Variants in MOB1B observed in about 807,000 individuals in gnomAD.
MOB1B encodes the protein MOB kinase activator 1B.
MOB1B carries 19 observed loss-of-function variants against 24.4 expected under a neutral mutation model. That is an observed-to-expected ratio of 0.78 (90% CI 0.54 to 1.14). The LOEUF (loss-of-function observed/expected upper bound fraction) is 1.14, where lower values mean the gene tolerates loss of function less well. Among genes scored for constraint, MOB1B ranks in the 50% most tolerant of loss-of-function variants. MOB1B has a pLI of 0.00. For synonymous variants in MOB1B, 76 were observed against 82.1 expected, an observed-to-expected ratio of 0.93 and a Z score of 0.40; for missense variants, 243 against 259.6, an observed-to-expected ratio of 0.94 and a Z score of 0.44.
intron 1 of MOB1B, among the ~76,000 whole-genome samples, chr4:70,928,275 A>T (rs1319004368): frequency 6.6e-6 from 1 of 151,366 alleles, no homozygotes; most frequent in Non-Finnish European, 1.5e-5. Flanking sequence ...TTCCTGACTA[A>T]TCAATGACAT....
At chr4:70,959,258 G>A (rs1738198091) in intron 2 of MOB1B, among the ~76,000 whole-genome samples, 1 of 152,158 alleles carries the variant, frequency 6.6e-6, no homozygotes, top group African/African-American at 2.4e-5. Flanking sequence ...TGGAAGGCTG[G>A]AGTACAGTGG....
At chr4:70,959,076 T>A in intron 2 of MOB1B, 36 bp downstream of exon 2, 1 of 1,579,558 alleles carries the variant, frequency 6.3e-7, no homozygotes, top group Non-Finnish European at 8.7e-7. Flanking sequence ...AGCCTGTGAA[T>A]TAGGGTAATA....
chr4:70,966,364 G>A (rs1738529877), intron 2 of MOB1B, among the ~76,000 whole-genome samples: 1 of 151,228 alleles, frequency 6.6e-6, no homozygotes. Context: ...AGGCAATATA[G>A]TGAGTCCCAC....
chr4:70,978,161 A>G (rs373566224), intron 4 of MOB1B, among the ~76,000 whole-genome samples: 6 of 152,326 alleles, frequency 3.9e-5, no homozygotes, highest in African/African-American at 1.4e-4. Flanking sequence ...AAAATTCCAC[A>G]TATAAGTGAG....
At chr4:70,962,332 A>G in intron 2 of MOB1B, among the ~76,000 whole-genome samples, 1 of 152,268 alleles carries the variant, frequency 6.6e-6, no homozygotes, top group East Asian at 1.9e-4. Context: ...CTCAAAGTGA[A>G]TATGTTCAAA....
At chr4:70,909,483 A>G (rs1735891808) in intron 1 of MOB1B, among the ~76,000 whole-genome samples, 1 of 152,192 alleles carries the variant, frequency 6.6e-6, no homozygotes, top group African/African-American at 2.4e-5. Context: ...AGCCTGGGCA[A>G]CTGAGCAAGA....
intron 1 of MOB1B, among the ~76,000 whole-genome samples, chr4:70,924,884 C>T (rs971761670): frequency 1.7e-4 from 26 of 152,120 alleles, no homozygotes; most frequent in Admixed American, 7.2e-4. Flanking sequence ...TTAATCCAGT[C>T]TATCATTGAT....
At chr4:70,958,747 CAG>C in intron 1 of MOB1B, 125 bp from the exon 2 acceptor site, 1 of 942,694 alleles carries the variant, frequency 1.1e-6, no homozygotes, top group Admixed American at 1.7e-5. Flanking sequence ...ATGGAGAGCA[CAG>C]TAGTTACAGC....
intron 1 of MOB1B, among the ~76,000 whole-genome samples, chr4:70,921,660 C>T (rs921266060): frequency 2.6e-5 from 4 of 151,936 alleles, no homozygotes; most frequent in Non-Finnish European, 4.4e-5. Flanking sequence ...AGGCATGTGC[C>T]GCTATGCCCA....
At chr4:70,951,398 T>G (rs1180580875) in intron 1 of MOB1B, among the ~76,000 whole-genome samples, 2 of 152,200 alleles carry the variant, frequency 1.3e-5, no homozygotes, top group East Asian at 1.9e-4. Flanking sequence ...CTAAGAGATA[T>G]GTATTCAGAG....
intron 1 of MOB1B, among the ~76,000 whole-genome samples, chr4:70,935,717 G>T (rs1159885912): frequency 6.6e-6 from 1 of 151,584 alleles, no homozygotes; most frequent in Non-Finnish European, 1.5e-5. Context: ...GAGTGCAGTG[G>T]CTCACTGCAA....
At chr4:70,937,822 G>C (rs1004926364) in intron 1 of MOB1B, among the ~76,000 whole-genome samples, 3 of 152,052 alleles carry the variant, frequency 2.0e-5, no homozygotes, top group Non-Finnish European at 4.4e-5. Flanking sequence ...CACCGTGCCC[G>C]GCCCATCTCT....
chr4:70,942,470 A>G (rs554356623), intron 1 of MOB1B, among the ~76,000 whole-genome samples: 1 of 152,210 alleles, frequency 6.6e-6, no homozygotes, highest in Non-Finnish European at 1.5e-5. Flanking sequence ...AATGCATTGA[A>G]TTTCTCATAA....
At chr4:70,914,440 A>G (rs994832416) in intron 1 of MOB1B, among the ~76,000 whole-genome samples, 1 of 152,188 alleles carries the variant, frequency 6.6e-6, no homozygotes, top group Non-Finnish European at 1.5e-5. Flanking sequence ...GCCCCAGTCC[A>G]GGAGATAGAC....
chr4:70,982,202 G>T lies in MOB1B; in HGVS notation c.*145G>T, dbSNP rs1357754192. The T allele has an allele frequency of 3.5e-6, 2 of 565,434 alleles. No homozygotes were observed. The highest frequency in any genetic ancestry group is 6.2e-6 in the Non-Finnish European group (2 of 321,758). The allele number at this position is 565,434 out of a possible 1,614,324, so 35.0% of individuals were successfully genotyped here. ...GTTTGGGTTCCTTTTTCTTTATTCT[G>T]ATTATGTGAAACCATATTCTATTGC... On this transcript the variant is annotated 3_prime_UTR_variant, in exon 6 of 6. Transcript: ENST00000309395.
At chr4:70,903,095 G>T (rs1193385765) in intron 1 of MOB1B, among the ~76,000 whole-genome samples, 1 of 152,204 alleles carries the variant, frequency 6.6e-6, no homozygotes, top group Non-Finnish European at 1.5e-5. Context: ...ACTGAAACAA[G>T]GCTACTTGCG....
intron 3 of MOB1B, among the ~76,000 whole-genome samples, chr4:70,972,980 A>G (rs1294393358): frequency 6.6e-6 from 1 of 151,776 alleles, no homozygotes; most frequent in East Asian, 2.0e-4. Flanking sequence ...TCACTGTGTT[A>G]GCCAGGATTG....
intron 1 of MOB1B, among the ~76,000 whole-genome samples, chr4:70,909,963 G>A (rs2148866742): frequency 6.6e-6 from 1 of 152,080 alleles, no homozygotes; most frequent in South Asian, 2.1e-4. Context: ...GGCCAGGCTG[G>A]TCTCAAACTC....
At chr4:70,958,119 T>C (rs1435878066) in intron 1 of MOB1B, among the ~76,000 whole-genome samples, 3 of 151,958 alleles carry the variant, frequency 2.0e-5, no homozygotes, top group Non-Finnish European at 4.4e-5. Context: ...AATTGATTAC[T>C]GATACTTCCT....
Sources: gnomAD v4.1 joint callset for allele counts (sites outside exome capture counted in the v4.1 genomes callset) on GRCh38, gnomAD v4.1.1 for gene constraint, MANE v1.5 for transcripts, NCBI Gene and HGNC (gene_info 2026-07-23, HGNC 2026-07-21) for gene names.